JPH3: variants seen among roughly 807,000 people sequenced by gnomAD.
JPH3 encodes the protein junctophilin 3, also known as junctophilin-3.
JPH3 carries 11 observed loss-of-function variants against 59.6 expected under a neutral mutation model. The ratio of observed to expected loss-of-function variants is 0.18; its 90% CI spans 0.12 to 0.31. JPH3 has a LOEUF of 0.31. Among genes scored for constraint, JPH3 ranks in the 10% least tolerant of loss-of-function variants. The pLI is 1.00. For missense variants in JPH3, 1,202 were observed against 1,105.7 expected (o/e 1.09, Z -1.24); for synonymous variants, 673 against 483.6 (o/e 1.39, Z -5.14).
rs915940289 is a variant in JPH3, at chr16:87,632,327, G to T, written c.383-11931G>T. Among the ~76,000 whole-genome samples, 3 of 152,242 alleles carry T rather than the reference G, an allele frequency of 2.0e-5. No homozygotes were observed. The East Asian group carries it at 5.8e-4, about 29-fold the overall frequency. On this transcript the variant is annotated intron_variant, in intron 1 of 4. Coordinates refer to ENST00000284262, the MANE Select transcript of JPH3 (RefSeq NM_020655.4). ...TCCCCCACCCTCCTCTGCCTGGTGG[G>T]CTTGTCTGATTGTTGGCCTAGAAAC...
intron 3 of JPH3, among the ~76,000 whole-genome samples, chr16:87,685,595 C>T (rs1016650507): frequency 3.9e-5 from 6 of 152,262 alleles, no homozygotes; most frequent in East Asian, 1.9e-4. Context: ...GATGGACGAA[C>T]GGAACAGGGA....
At chr16:87,625,944 C>T (rs896917017) in intron 1 of JPH3, among the ~76,000 whole-genome samples, 6 of 152,340 alleles carry the variant, frequency 3.9e-5, no homozygotes, top group East Asian at 1.9e-4. Flanking sequence ...CCCTGCACAG[C>T]GCACGTTCCA....
At chr16:87,629,203 T>C (rs1235702233) in intron 1 of JPH3, among the ~76,000 whole-genome samples, 2 of 152,128 alleles carry the variant, frequency 1.3e-5, no homozygotes, top group Non-Finnish European at 2.9e-5. Context: ...GCTCAGCAAA[T>C]GCCAGCAGAC....
chr16:87,652,393 A>C (rs2032352481), intron 2 of JPH3, among the ~76,000 whole-genome samples: 1 of 152,026 alleles, frequency 6.6e-6, no homozygotes, highest in African/African-American at 2.4e-5. Flanking sequence ...AAAGTATTTT[A>C]AAATTAAGAT....
At chr16:87,602,425 CGGGGGCGGGGGCGGGGGGCGGGGGGCG>C (rs2030241581), upstream of JPH3, among the ~76,000 whole-genome samples, 1 of 6,122 alleles carries the variant, frequency 1.6e-4, no homozygotes, top group Admixed American at 8.3e-4. Context: ...GGGGCGGGGG[CGGGGGCGGGGGCGGGGGGCGGGGGGCG>C]GGGGGCGGGC....
intron 1 of JPH3, among the ~76,000 whole-genome samples, chr16:87,618,590 C>T (rs1239396793): frequency 6.6e-6 from 1 of 152,176 alleles, no homozygotes; most frequent in African/African-American, 2.4e-5. Flanking sequence ...TCCACCTGGC[C>T]ACACTGTTTA....
intron 2 of JPH3, 99 bp downstream of exon 2, chr16:87,645,134 G>A (rs1341323668): frequency 3.8e-5 from 50 of 1,303,480 alleles, no homozygotes; most frequent in Non-Finnish European, 4.1e-5. Context: ...CTTGGGCTAG[G>A]CCCAGTTTGA....
intron 1 of JPH3, among the ~76,000 whole-genome samples, chr16:87,624,386 C>G (rs770678393): frequency 6.6e-6 from 1 of 152,204 alleles, no homozygotes; most frequent in South Asian, 2.1e-4. Context: ...CTGCTCCTGA[C>G]GTTTCGCATG....
chr16:87,696,805 ATCAC>A lies in JPH3; in HGVS notation c.*150_*153del, dbSNP rs1252403379. 2.1e-5 allele frequency: 14 copies of A among 681,130 alleles called. No individual in the cohort carries two copies. Among genetic ancestry groups the A allele is most frequent in the Non-Finnish European group, 3.3e-5 (13 of 389,348 alleles). 42.2% of individuals were successfully genotyped at this position (681,130 alleles called of 1,614,324 possible). A position where few individuals can be genotyped will look rare whatever the true frequency, so the allele number is the denominator to read the frequency against. On this transcript the variant is annotated 3_prime_UTR_variant, in exon 5 of 5. Transcript: ENST00000284262. ...TCACAGAAGAACCACACGATTGGGT[ATCAC>A]TCACAGTTTGCCTTTTTTTCTGGGT...
At chr16:87,646,836 T>C (rs778515571) in intron 2 of JPH3, among the ~76,000 whole-genome samples, 13 of 152,330 alleles carry the variant, frequency 8.5e-5, no homozygotes, top group Middle Eastern at 3.4e-3. Context: ...TAGTGGACAG[T>C]GCCCTGCAGG....
chr16:87,672,183 A>G (rs1391876397), intron 2 of JPH3, among the ~76,000 whole-genome samples: 4 of 152,074 alleles, frequency 2.6e-5, no homozygotes, highest in Non-Finnish European at 5.9e-5. Flanking sequence ...TGTGGCCTGT[A>G]GGTGAGGGGA....
Position 87,603,435 on chromosome 16 carries a change from G to T in JPH3, c.289G>T (p.Val97Leu). 1 of 1,572,648 alleles carries T rather than the reference G, an allele frequency of 6.4e-7. No homozygotes were observed. Among genetic ancestry groups the T allele is most frequent in the Admixed American group, 1.9e-5 (1 of 52,998 alleles). ...WTHGFKGRYG[V>L]RECAGNGAKY... ...GCACGGATTCAAGGGGCGCTACGGG[G>T]TGCGGGAGTGCGCGGGCAACGGGGC... The change falls in exon 1 of 5, where the codon GTG (valine) becomes TTG (leucine). Residue 97 changes from valine (V) to leucine (L), a missense_variant. By Grantham distance (32) the Val-to-Leu change is conservative (BLOSUM62 1). Coordinates refer to ENST00000284262, the MANE Select transcript of JPH3 (RefSeq NM_020655.4).
At chr16:87,620,323 T>C (rs1257558560) in intron 1 of JPH3, among the ~76,000 whole-genome samples, 1 of 131,540 alleles carries the variant, frequency 7.6e-6, no homozygotes, top group Non-Finnish European at 1.6e-5. Context: ...GAGTCACCCA[T>C]AGGGGCAGGG....
chr16:87,605,051 A>G, intron 1 of JPH3: 1 of 422,558 alleles, frequency 2.4e-6, no homozygotes, highest in Non-Finnish European at 4.8e-6. Context: ...TGAGACAGGC[A>G]GGCAGCCTGG....
intron 4 of JPH3, chr16:87,695,534 G>A (rs1038313784): frequency 3.0e-4 from 136 of 454,554 alleles, no homozygotes; most frequent in Non-Finnish European, 4.7e-4. Flanking sequence ...GGGCGTGGTG[G>A]GGGTGGGGAG....
chr16:87,620,457 A>AGAGAGAGGGAGAG (rs2031135977), intron 1 of JPH3, among the ~76,000 whole-genome samples: 1 of 94,794 alleles, frequency 1.1e-5, no homozygotes, highest in South Asian at 3.9e-4. Flanking sequence ...AGAGAGAAGG[A>AGAGAGAGGGAGAG]GAGAGAGGGA....
chr16:87,679,679 G>A (rs1001443657), intron 2 of JPH3, among the ~76,000 whole-genome samples: 4 of 152,256 alleles, frequency 2.6e-5, no homozygotes, highest in African/African-American at 9.6e-5. Flanking sequence ...GTGTGTGCAC[G>A]TGTGGGTCTG....
intron 2 of JPH3, among the ~76,000 whole-genome samples, chr16:87,679,500 G>A (rs1466588538): frequency 1.3e-5 from 2 of 152,194 alleles, no homozygotes; most frequent in Non-Finnish European, 2.9e-5. Flanking sequence ...TAAAATAATT[G>A]CAGGGAGAGA....
intron 2 of JPH3, among the ~76,000 whole-genome samples, chr16:87,677,256 G>A (rs1234626880): frequency 1.4e-5 from 2 of 146,378 alleles, no homozygotes; most frequent in South Asian, 2.1e-4. Flanking sequence ...TGTGGTGGGC[G>A]CCTGTAATCC....
Sources: allele counts gnomAD v4.1 joint callset (sites outside exome capture counted in the v4.1 genomes callset), GRCh38; gene constraint gnomAD v4.1.1; transcripts MANE v1.5; gene names NCBI Gene and HGNC (gene_info 2026-07-23, HGNC 2026-07-21).